The following MINDY4 variants were observed in gnomAD, a reference collection of about 807,000 sequenced individuals.
MINDY4 encodes MINDY lysine 48 deubiquitinase 4, also known as probable ubiquitin carboxyl-terminal hydrolase MINDY-4.
Under a neutral mutation model 87.0 loss-of-function variants are expected in MINDY4, and 68 were observed. The ratio of observed to expected loss-of-function variants is 0.78; its 90% CI spans 0.64 to 0.96. The LOEUF (loss-of-function observed/expected upper bound fraction) is 0.96. MINDY4 is among the 40% of genes least tolerant of loss of function. MINDY4 has a pLI of 0.00. For missense variants in MINDY4, 919 were observed against 928.2 expected (o/e 0.99, Z 0.13); for synonymous variants, 379 against 363.2 (o/e 1.04, Z -0.50).
Position 30,861,062 on chromosome 7 carries a change from T to C in MINDY4, c.1745+1738T>C, listed in dbSNP as rs1030065960. ...AGACATGGACACACACAGAGACACA[T>C]AGTCCAGCTGTTCTTCCAGGACATC... On this transcript the variant is annotated intron_variant, in intron 13 of 17. Coordinates refer to ENST00000265299, the MANE Select transcript of MINDY4 (RefSeq NM_032222.3). Among the ~76,000 whole-genome samples the C allele has an allele frequency of 4.6e-4, 70 of 151,820 alleles. 1 individual carries two copies. The highest frequency in any genetic ancestry group is 1.7e-3 in the African/African-American group (69 of 41,336).
intron 5 of MINDY4, among the ~76,000 whole-genome samples, chr7:30,812,324 G>A (rs896386983): frequency 6.6e-6 from 1 of 151,808 alleles, no homozygotes. Flanking sequence ...TAAGGCAAAT[G>A]TTAACAATTT....
At chr7:30,826,633 T>A (rs1788521874) in intron 5 of MINDY4, among the ~76,000 whole-genome samples, 2 of 152,204 alleles carry the variant, frequency 1.3e-5, no homozygotes, top group African/African-American at 4.8e-5. Context: ...GGCCTGGATT[T>A]TATTTTTATA....
chr7:30,785,695 G>C, intron 3 of MINDY4, 54 bp from the exon 4 acceptor site: 1 of 1,600,402 alleles, frequency 6.2e-7, no homozygotes, highest in East Asian at 2.2e-5. Context: ...TGCTATCTTT[G>C]TTACTGATTC....
chr7:30,843,564 C>T (rs1242942943), intron 9 of MINDY4, among the ~76,000 whole-genome samples: 3 of 152,206 alleles, frequency 2.0e-5, no homozygotes, highest in East Asian at 1.9e-4. Context: ...CGACTCTGCT[C>T]AGGGCACAAG....
At chr7:30,854,383 A>G (rs1467017481) in intron 12 of MINDY4, among the ~76,000 whole-genome samples, 1 of 152,170 alleles carries the variant, frequency 6.6e-6, no homozygotes, top group Non-Finnish European at 1.5e-5. Context: ...CATTGTAATG[A>G]TGCTCTAAGG....
rs761768100 is a variant in MINDY4 at position 30,875,643 on chromosome 7, A to C, written c.1958A>C (p.Tyr653Ser). 1 of 1,609,720 alleles carries C rather than the reference A, an allele frequency of 6.2e-7. No individual in the cohort carries two copies. Among genetic ancestry groups the C allele is most frequent in the Non-Finnish European group, 8.5e-7 (1 of 1,176,930 alleles). Reference protein sequence around the residue: ...DIGFLSLFEHYNMCQVGCFLK... With the variant: ...DIGFLSLFEHSNMCQVGCFLK... ...GGCTTCTTATCTCTCTTTGAGCATT[A>C]CAACATGTGCCAGGTACCCAGATGC... is the stretch of plus-strand genomic sequence containing the variant. Residue 653 changes from tyrosine (Y) to serine (S), a missense_variant, in exon 15 of 18, where the codon TAC becomes TCC. Coordinates refer to ENST00000265299, the MANE Select transcript of MINDY4 (RefSeq NM_032222.3).
intron 17 of MINDY4, among the ~76,000 whole-genome samples, chr7:30,886,917 A>G (rs1790648352): frequency 6.6e-6 from 1 of 152,176 alleles, no homozygotes; most frequent in South Asian, 2.1e-4. Context: ...CAAACGAGAC[A>G]CACACAGTGA....
chr7:30,856,881 A>G (rs1406436514), intron 12 of MINDY4, among the ~76,000 whole-genome samples: 1 of 152,100 alleles, frequency 6.6e-6, no homozygotes, highest in Non-Finnish European at 1.5e-5. Context: ...AGACATCAGC[A>G]TTACTCTTTG....
At chr7:30,805,903 C>T (rs550192635) in intron 5 of MINDY4, among the ~76,000 whole-genome samples, 2 of 152,294 alleles carry the variant, frequency 1.3e-5, no homozygotes, top group South Asian at 2.1e-4. Flanking sequence ...GCACCAGCAG[C>T]AGAGACAAGA....
intron 13 of MINDY4, among the ~76,000 whole-genome samples, chr7:30,868,216 T>A (rs1325898253): frequency 6.6e-6 from 1 of 152,202 alleles, no homozygotes; most frequent in Non-Finnish European, 1.5e-5. Flanking sequence ...ACTCTAGGGC[T>A]TGCTTGGAGC....
intron 7 of MINDY4, among the ~76,000 whole-genome samples, 157 bp from the exon 8 acceptor site, chr7:30,839,043 A>G (rs1466814626): frequency 1.3e-5 from 2 of 152,344 alleles, no homozygotes; most frequent in East Asian, 1.9e-4. Context: ...TATAAGAAGA[A>G]TGAGCCTGAA....
At chr7:30,879,102 T>TGAGACTGTTGGG (rs1790378420) in intron 15 of MINDY4, among the ~76,000 whole-genome samples, 1 of 152,254 alleles carries the variant, frequency 6.6e-6, no homozygotes, top group South Asian at 2.1e-4. Flanking sequence ...TGTTGTGAGC[T>TGAGACTGTTGGG]GAACTATGTC....
intron 4 of MINDY4, 179 bp downstream of exon 4, chr7:30,786,171 G>C: frequency 1.3e-6 from 1 of 799,640 alleles, no homozygotes; most frequent in Non-Finnish European, 1.9e-6. Flanking sequence ...ATGACACGTG[G>C]GGCCTTGAGC....
At chr7:30,859,116 C>A in intron 12 of MINDY4, 141 bp from the exon 13 acceptor site, 1 of 793,612 alleles carries the variant, frequency 1.3e-6, no homozygotes, top group Non-Finnish European at 2.2e-6. Context: ...AGCCTTCGGG[C>A]CACCCAGCAA....
chr7:30,858,431 A>G (rs1789646022), intron 12 of MINDY4: 1 of 152,200 alleles, frequency 6.6e-6, no homozygotes, highest in Non-Finnish European at 1.5e-5. Context: ...GAGTGTTTCC[A>G]TGGTCACATA....
At position 30,882,207 on chromosome 7, in the gene MINDY4, G is replaced by T; in HGVS notation, c.1998G>T (p.Arg666Ser). Reference sequence around the variant, plus strand: ...TTGGCTGCTTCCTGAAGACCCCGAGGTTCCCCATCTGGGTGGTTTGCAGTG... The same window carrying T: ...TTGGCTGCTTCCTGAAGACCCCGAGTTTCCCCATCTGGGTGGTTTGCAGTG... ...CQVGCFLKTP[R>S]FPIWVVCSES... is the part of the protein sequence containing the mutation. Residue 666 changes from arginine to serine, a missense_variant, in exon 16 of 18, where the codon AGG (arginine) becomes AGT (serine). Coordinates refer to ENST00000265299, the MANE Select transcript of MINDY4 (RefSeq NM_032222.3). 2 of 1,611,526 alleles carry T rather than the reference G, an allele frequency of 1.2e-6. No homozygotes were observed. The highest frequency in any genetic ancestry group is 1.7e-6 in the Non-Finnish European group (2 of 1,178,002).
At chr7:30,884,428 A>G (rs73304001) in intron 17 of MINDY4, among the ~76,000 whole-genome samples, 2,731 of 152,286 alleles carry the variant, frequency 0.018, 78 homozygotes, top group African/African-American at 0.063. Flanking sequence ...TTTCATGTAC[A>G]AAGGGCCACT....
intron 5 of MINDY4, among the ~76,000 whole-genome samples, chr7:30,800,252 C>T (rs571783033): frequency 1.3e-5 from 2 of 152,266 alleles, no homozygotes; most frequent in East Asian, 1.9e-4. Context: ...CTGGATATCA[C>T]CTTAGATGCA....
intron 5 of MINDY4, among the ~76,000 whole-genome samples, chr7:30,824,436 T>C (rs1291126489): frequency 6.6e-6 from 1 of 151,994 alleles, no homozygotes; most frequent in Non-Finnish European, 1.5e-5. Flanking sequence ...TCAACATGAG[T>C]TTTAGAGGGG....
Sources: gnomAD v4.1 joint callset for allele counts (sites outside exome capture counted in the v4.1 genomes callset) on GRCh38, gnomAD v4.1.1 for gene constraint, MANE v1.5 for transcripts, NCBI Gene and HGNC (gene_info 2026-07-23, HGNC 2026-07-21) for gene names.